TSPAN15: variants seen among roughly 807,000 people sequenced by gnomAD.
The protein encoded by TSPAN15 is tetraspanin-15.
Under a neutral mutation model 34.5 loss-of-function variants are expected in TSPAN15, and 20 were observed. The ratio of observed to expected loss-of-function variants is 0.58; its 90% CI spans 0.41 to 0.84. TSPAN15 has a LOEUF of 0.84. Among genes scored for constraint, TSPAN15 ranks in the 40% least tolerant of loss-of-function variants. The pLI is 0.00. For synonymous variants in TSPAN15, 155 were observed against 153.9 expected, an observed-to-expected ratio of 1.01 and a Z score of -0.05; for missense variants, 313 against 386.1, an observed-to-expected ratio of 0.81 and a Z score of 1.59.
At chr10:69,474,835 G>A (rs1353153904) in intron 1 of TSPAN15, among the ~76,000 whole-genome samples, 2 of 152,162 alleles carry the variant, frequency 1.3e-5, no homozygotes, top group Non-Finnish European at 2.9e-5. Flanking sequence ...GCTGGCAGTG[G>A]CCTGAGCTGG....
At chr10:69,502,046 G>A (rs1842221304) in intron 5 of TSPAN15, among the ~76,000 whole-genome samples, 2 of 151,680 alleles carry the variant, frequency 1.3e-5, no homozygotes, top group Admixed American at 1.3e-4. Context: ...AGAAAGGTTG[G>A]AGACCACTGG....
At chr10:69,522,825 C>A in the TSPAN15 span, among the ~76,000 whole-genome samples, 1 of 147,904 alleles carries the variant, frequency 6.8e-6, no homozygotes, top group African/African-American at 2.5e-5. Flanking sequence ...AGGTTGGGGA[C>A]CGCTGAGATA....
At chr10:69,455,623 TCTCC>T (rs1841084424) in intron 1 of TSPAN15, among the ~76,000 whole-genome samples, 1 of 87,904 alleles carries the variant, frequency 1.1e-5, no homozygotes, top group African/African-American at 4.9e-5. Flanking sequence ...TCTCTCTCTC[TCTCC>T]CCCCCCCGTC....
chr10:69,476,594 G>A (rs1347588227), intron 1 of TSPAN15, among the ~76,000 whole-genome samples: 1 of 151,520 alleles, frequency 6.6e-6, no homozygotes, highest in African/African-American at 2.4e-5. Context: ...AACAAAAGCA[G>A]GCTGTGTCAG....
intron 1 of TSPAN15, among the ~76,000 whole-genome samples, chr10:69,461,226 C>G (rs1443090775): frequency 6.6e-6 from 1 of 152,222 alleles, no homozygotes; most frequent in Non-Finnish European, 1.5e-5. Flanking sequence ...GGGGAAGTAA[C>G]TTGTGTGAGA....
chr10:69,547,746 G>T, the TSPAN15 span, among the ~76,000 whole-genome samples: 1 of 152,166 alleles, frequency 6.6e-6, no homozygotes, highest in African/African-American at 2.4e-5. Flanking sequence ...TGACCTTAGA[G>T]ACTCCAAGAA....
chr10:69,507,596 A>G lies in TSPAN15; in HGVS notation c.*618A>G. 4 of 1,302,854 alleles carry G rather than the reference A, an allele frequency of 3.1e-6. No homozygotes were observed. The highest frequency in any genetic ancestry group is 2.0e-6 in the Non-Finnish European group (2 of 988,766). The allele number at this position is 1,302,854 out of a possible 1,614,324, so 80.7% of individuals were successfully genotyped here. On this transcript the variant is annotated 3_prime_UTR_variant, in exon 8 of 8. Transcript: ENST00000373290. ...CTAATCAAAGCTGGTATTTCCCCGCATGTCTTATTCTTGCCCTTCCCCCAA... is the reference window on the plus strand; with the variant it reads ...CTAATCAAAGCTGGTATTTCCCCGCGTGTCTTATTCTTGCCCTTCCCCCAA...
At chr10:69,532,438 C>G in the TSPAN15 span, among the ~76,000 whole-genome samples, 13 of 152,266 alleles carry the variant, frequency 8.5e-5, no homozygotes, top group East Asian at 2.5e-3. Context: ...GAAAGGACAC[C>G]CTTTTCAACG....
downstream of TSPAN15, chr10:69,507,738 C>T: frequency 1.9e-6 from 2 of 1,054,402 alleles, no homozygotes; most frequent in Non-Finnish European, 2.5e-6. Context: ...ATTTGGAAAC[C>T]CCTTGTGGAT....
At chr10:69,504,182 C>G (rs1842274458) in intron 5 of TSPAN15, among the ~76,000 whole-genome samples, 1 of 148,282 alleles carries the variant, frequency 6.7e-6, no homozygotes, top group African/African-American at 2.5e-5. Context: ...TGATCTGCTG[C>G]TAGTGGAGGG....
downstream of TSPAN15, among the ~76,000 whole-genome samples, chr10:69,509,866 G>T (rs1842397846): frequency 2.0e-5 from 3 of 152,098 alleles, no homozygotes; most frequent in Admixed American, 2.0e-4. Flanking sequence ...CCCATTGCAG[G>T]TTTGTCAAAG....
intron 1 of TSPAN15, among the ~76,000 whole-genome samples, chr10:69,462,018 G>A (rs1841272754): frequency 6.7e-6 from 1 of 149,262 alleles, no homozygotes. Flanking sequence ...ACAGGGTCTT[G>A]CTCTGTCACC....
intron 3 of TSPAN15, 102 bp downstream of exon 3, chr10:69,485,317 C>T (rs2133116058): frequency 1.1e-6 from 1 of 951,888 alleles, no homozygotes; most frequent in Non-Finnish European, 1.7e-6. Flanking sequence ...CAGATAACCC[C>T]CATGGAGCTT....
Position 69,451,672 on chromosome 10 carries a change from C to T in TSPAN15, c.78C>T (p.Ile26=). ...SYLWLKFSLI[I]YSTVFWLIGA... ...TCTGGCTCAAGTTTTCACTTATCAT[C>T]TATTCCACCGTGTTCTGGGTGAGTG... Residue 26 remains isoleucine (I), a synonymous_variant, in exon 1 of 8, where the codon ATC becomes ATT. Coordinates refer to ENST00000373290, the MANE Select transcript of TSPAN15 (RefSeq NM_012339.5). The T allele has an allele frequency of 1.3e-6, 2 of 1,539,822 alleles. No individual in the cohort carries two copies. Among genetic ancestry groups the T allele is most frequent in the Non-Finnish European group, 1.8e-6 (2 of 1,141,274 alleles).
At chr10:69,524,323 C>T in the TSPAN15 span, among the ~76,000 whole-genome samples, 1 of 147,374 alleles carries the variant, frequency 6.8e-6, no homozygotes. Flanking sequence ...CAAAAATTAG[C>T]TGGGCATGGT....
chr10:69,503,796 C>T (rs1589655304), intron 5 of TSPAN15, among the ~76,000 whole-genome samples: 1 of 152,198 alleles, frequency 6.6e-6, no homozygotes, highest in Non-Finnish European at 1.5e-5. Context: ...GAAGTGCCCG[C>T]GGCAGCCTGT....
Position 69,497,352 on chromosome 10 carries a change from G to A in TSPAN15, c.454-928G>A, listed in dbSNP as rs146923652. 6.6e-5 allele frequency among the ~76,000 whole-genome samples: 10 copies of A among 152,242 alleles called. No homozygotes were observed. In the East Asian group the frequency reaches 1.5e-3, roughly 24 times the overall value. ...AGCTTTGCATGGTCCAGCCTGTGCC[G>A]CCCTTTCATCCTCATGCTCTGCACT... On this transcript the variant is annotated intron_variant, in intron 4 of 7. Transcript: ENST00000373290.
chr10:69,548,246 A>T, the TSPAN15 span, among the ~76,000 whole-genome samples: 1 of 152,218 alleles, frequency 6.6e-6, no homozygotes, highest in African/African-American at 2.4e-5. Flanking sequence ...TTTCCATTGC[A>T]TTATGGTGTT....
chr10:69,489,904 C>T (rs1841933309), intron 3 of TSPAN15, among the ~76,000 whole-genome samples: 1 of 152,236 alleles, frequency 6.6e-6, no homozygotes, highest in Non-Finnish European at 1.5e-5. Flanking sequence ...TCTCAACCCT[C>T]TTGACACCTG....
Sources: allele counts gnomAD v4.1 joint callset (sites outside exome capture counted in the v4.1 genomes callset), GRCh38; gene constraint gnomAD v4.1.1; transcripts MANE v1.5; gene names NCBI Gene and HGNC (gene_info 2026-07-23, HGNC 2026-07-21).